DYDC2: variants seen among roughly 807,000 people sequenced by gnomAD.
The protein encoded by DYDC2 is DPY30 domain containing 2, also known as DPY30 domain-containing protein 2.
In DYDC2, 19 loss-of-function variants were observed where a neutral mutation model predicts 18.7. That is an observed-to-expected ratio of 1.02 (90% CI 0.71 to 1.49). The LOEUF (loss-of-function observed/expected upper bound fraction) is 1.49, where lower values mean the gene tolerates loss of function less well. Among genes scored for constraint, DYDC2 ranks in the 40% most tolerant of loss-of-function variants. The probability of loss-of-function intolerance (pLI) is 0.00; values close to 1 mark genes in which losing one functional copy is unlikely to be tolerated. For missense variants in DYDC2, 179 were observed against 205.1 expected, an observed-to-expected ratio of 0.87 and a Z score of 0.78; for synonymous variants, 63 against 67.6, an observed-to-expected ratio of 0.93 and a Z score of 0.34.
At chr10:80,364,422 A>G (rs1843762900) in intron 4 of DYDC2, among the ~76,000 whole-genome samples, 1 of 152,204 alleles carries the variant, frequency 6.6e-6, no homozygotes, top group Non-Finnish European at 1.5e-5. Context: ...CATTTCTAAC[A>G]CCATGCTTTA....
At chr10:80,354,121 TAA>T (rs373127565), upstream of DYDC2, among the ~76,000 whole-genome samples, 17 of 143,968 alleles carry the variant, frequency 1.2e-4, no homozygotes, top group South Asian at 2.2e-4. Flanking sequence ...GTCTCATATA[TAA>T]AAAAAAATAT....
rs563004078 is a variant in DYDC2, at chr10:80,359,806, G to A, written c.-10+1761G>A. Among the ~76,000 whole-genome samples the A allele has an allele frequency of 9.9e-5, 15 of 152,260 alleles. No individual in the cohort carries two copies. The South Asian group carries it at 1.9e-3, about 19-fold the overall frequency. On this transcript the variant is annotated intron_variant, in intron 2 of 4. Coordinates refer to ENST00000256039, the MANE Select transcript of DYDC2 (RefSeq NM_032372.6). Reference sequence around the variant, plus strand: ...CGAGTGCGGGGCCCACCAAGCCCGCGCCCACCCGGAACTTGCGCTGGCCTG... The same window carrying A: ...CGAGTGCGGGGCCCACCAAGCCCGCACCCACCCGGAACTTGCGCTGGCCTG...
At chr10:80,362,641 T>C (rs1226445397) in intron 3 of DYDC2, 51 bp downstream of exon 3, 2 of 1,548,278 alleles carry the variant, frequency 1.3e-6, no homozygotes, top group African/African-American at 1.4e-5. Context: ...CCAGAGTAAT[T>C]TGAAAGCCAA....
At chr10:80,365,170 A>C (rs1192160595) in intron 4 of DYDC2, among the ~76,000 whole-genome samples, 2 of 152,228 alleles carry the variant, frequency 1.3e-5, no homozygotes, top group Non-Finnish European at 2.9e-5. Flanking sequence ...AAAACAAAAA[A>C]ACATCATGAC....
At position 80,366,713 on chromosome 10, in the gene DYDC2, C is replaced by T. The variant is rs142842576; in HGVS notation, c.296C>T (p.Thr99Met). ...HKELTSETVS[T>M]KKTIFMQEDT... The stretch of plus-strand genomic sequence containing the variant: ...GAACTGACTTCTGAAACTGTTTCCA[C>T]GAAGAAGACCATATTCATGCAGGAG... Residue 99 changes from threonine (T) to methionine (M), a missense_variant, in exon 5 of 5, where the codon ACG becomes ATG. Coordinates refer to ENST00000256039, the MANE Select transcript of DYDC2 (RefSeq NM_032372.6). 2.9e-5 allele frequency: 47 copies of T among 1,604,634 alleles called. 1 individual carries two copies. The Admixed American group carries it at 3.8e-4, about 13-fold the overall frequency.
At chr10:80,352,454 C>A (rs780011484), upstream of DYDC2, 1 of 1,595,060 alleles carries the variant, frequency 6.3e-7, no homozygotes, top group Non-Finnish European at 8.5e-7. Flanking sequence ...TTCCTACTTA[C>A]CAGTTGTTCC....
At chr10:80,356,206 A>G (rs1843358981), upstream of DYDC2, 2 of 969,940 alleles carry the variant, frequency 2.1e-6, no homozygotes, top group African/African-American at 1.8e-5. Context: ...TGAAACGAGG[A>G]TAATACCCAT....
upstream of DYDC2, chr10:80,352,732 A>G (rs1572819): frequency 0.69 from 844,132 of 1,224,716 alleles, 295,240 homozygotes; most frequent in East Asian, 0.95. Context: ...GACACCTCCC[A>G]TTGGGGGTGT....
intron 2 of DYDC2, 150 bp downstream of exon 2, chr10:80,358,195 T>TG (rs1413070339): frequency 2.5e-6 from 1 of 396,064 alleles, no homozygotes. Context: ...CTGGCCAACA[T>TG]GGAGAAACCC....
At chr10:80,363,821 A>G (rs1285289120) in intron 4 of DYDC2, among the ~76,000 whole-genome samples, 2 of 152,128 alleles carry the variant, frequency 1.3e-5, no homozygotes, top group Non-Finnish European at 2.9e-5. Flanking sequence ...ATTATATTCT[A>G]TTTACTTTTC....
intron 2 of DYDC2, among the ~76,000 whole-genome samples, chr10:80,358,502 A>G (rs911954770): frequency 2.0e-5 from 3 of 152,184 alleles, no homozygotes; most frequent in African/African-American, 7.2e-5. Flanking sequence ...CATTTCCTTC[A>G]GATCATTGTT....
chr10:80,357,898 C>T lies in DYDC2; in HGVS notation c.-157C>T. On this transcript the variant is annotated 5_prime_UTR_variant, in exon 2 of 5. Coordinates refer to ENST00000256039, the MANE Select transcript of DYDC2 (RefSeq NM_032372.6). ...AAGTCAAGAAATATTTACAGAGCTC[C>T]CAGTGTGCCAAGCGTGGGCGGTATA... 1 of 985,306 alleles carries T rather than the reference C, an allele frequency of 1.0e-6. No individual in the cohort carries two copies. The highest frequency in any genetic ancestry group is 1.2e-6 in the Non-Finnish European group (1 of 829,890). The allele number at this position is 985,306 out of a possible 1,614,324, so 61.0% of individuals were successfully genotyped here.
intron 1 of DYDC2, among the ~76,000 whole-genome samples, chr10:80,349,686 A>C (rs1316606316): frequency 6.6e-6 from 1 of 152,228 alleles, no homozygotes; most frequent in Non-Finnish European, 1.5e-5. Flanking sequence ...TCTCAACAAT[A>C]ATGCAAAGTG....
chr10:80,346,328 T>C (rs1392263796), intron 1 of DYDC2, among the ~76,000 whole-genome samples: 3 of 152,184 alleles, frequency 2.0e-5, no homozygotes, highest in Non-Finnish European at 2.9e-5. Context: ...GCTTTTAATT[T>C]TTTGAAATAC....
intron 4 of DYDC2, among the ~76,000 whole-genome samples, chr10:80,363,833 G>T (rs538353619): frequency 1.3e-5 from 2 of 152,188 alleles, no homozygotes; most frequent in African/African-American, 4.8e-5. Context: ...TTACTTTTCT[G>T]TGAAACTTCA....
At chr10:80,352,620 AAGTG>A, upstream of DYDC2, 1 of 1,594,232 alleles carries the variant, frequency 6.3e-7, no homozygotes, top group Non-Finnish European at 8.5e-7. Context: ...CCTAAAAAGT[AAGTG>A]TTTTTGCATT....
rs571517870 is a variant in DYDC2 at position 80,349,577 on chromosome 10, T to C, written c.-310+4762T>C. 2.6e-4 allele frequency among the ~76,000 whole-genome samples: 40 copies of C among 152,336 alleles called. 1 individual carries two copies. In the South Asian group the frequency reaches 8.3e-3, roughly 32 times the overall value. ...GTAATTTCTTAGTATTCCTATATTA[T>C]CACTACTAAGATAAAAGTGATGGGG... On this transcript the variant is annotated intron_variant, in intron 1 of 4. Transcript: ENST00000372197.
intron 2 of DYDC2, among the ~76,000 whole-genome samples, chr10:80,358,340 T>TAGTG (rs1390684252): frequency 2.6e-5 from 4 of 152,004 alleles, no homozygotes; most frequent in African/African-American, 9.7e-5. Context: ...ATTGTGCCAC[T>TAGTG]GCACTCCAGC....
chr10:80,360,699 T>G (rs1203558055), intron 2 of DYDC2, among the ~76,000 whole-genome samples: 2 of 152,094 alleles, frequency 1.3e-5, no homozygotes, highest in Non-Finnish European at 2.9e-5. Flanking sequence ...CATTTCACAT[T>G]CAGTTCAACC....
Sources: gnomAD v4.1 joint callset for allele counts (sites outside exome capture counted in the v4.1 genomes callset) on GRCh38, gnomAD v4.1.1 for gene constraint, MANE v1.5 for transcripts, NCBI Gene and HGNC (gene_info 2026-07-23, HGNC 2026-07-21) for gene names.